VPS13A: variants seen among roughly 807,000 people sequenced by gnomAD.
VPS13A encodes the protein intermembrane lipid transfer protein VPS13A.
VPS13A carries 264 observed loss-of-function variants against 390.9 expected under a neutral mutation model. That is an observed-to-expected ratio of 0.68 (90% CI 0.61 to 0.75). VPS13A has a LOEUF of 0.75. Ranked by LOEUF, VPS13A falls within the 30% of genes least tolerant of loss-of-function variation. The probability of loss-of-function intolerance (pLI) is 0.00; values close to 1 mark genes in which losing one functional copy is unlikely to be tolerated. For synonymous variants in VPS13A, 1,231 were observed against 1,227.1 expected (o/e 1.00, Z -0.07); for missense variants, 3,409 against 3,733.9 (o/e 0.91, Z 2.27).
intron 1 of VPS13A, among the ~76,000 whole-genome samples, chr9:77,184,568 G>A (rs1444257700): frequency 1.3e-5 from 2 of 152,164 alleles, no homozygotes; most frequent in Non-Finnish European, 2.9e-5. Flanking sequence ...GCAGTGAGCC[G>A]AGATCGTGCT....
At chr9:77,204,383 C>T (rs895838268) in intron 3 of VPS13A, among the ~76,000 whole-genome samples, 4 of 151,596 alleles carry the variant, frequency 2.6e-5, no homozygotes, top group African/African-American at 4.8e-5. Flanking sequence ...AGAACCCTTA[C>T]GCTTAAAAAA....
At chr9:77,404,493 C>A (rs1282096021) in intron 69 of VPS13A, among the ~76,000 whole-genome samples, 2 of 152,182 alleles carry the variant, frequency 1.3e-5, no homozygotes, top group Non-Finnish European at 2.9e-5. Context: ...CTTCAGCGAT[C>A]ATTTTTGCTC....
chr9:77,217,740 A>G (rs901033297), intron 10 of VPS13A, among the ~76,000 whole-genome samples: 1 of 148,796 alleles, frequency 6.7e-6, no homozygotes, highest in South Asian at 2.1e-4. Flanking sequence ...TATCTTTGCT[A>G]TTGTGAATAG....
chr9:77,382,443 T>G (rs1833494106), intron 68 of VPS13A: 1 of 1,394,546 alleles, frequency 7.2e-7, no homozygotes, highest in Non-Finnish European at 9.3e-7. Context: ...TTAATGAATC[T>G]GGTTTTTTTA....
chr9:77,186,479 C>T (rs1354621294), intron 1 of VPS13A, among the ~76,000 whole-genome samples: 1 of 151,722 alleles, frequency 6.6e-6, no homozygotes, highest in Non-Finnish European at 1.5e-5. Context: ...GCTGTGTTGC[C>T]CAGCCTGGAG....
chr9:77,177,812 G>GGCC lies in VPS13A; in HGVS notation c.100+20_100+22dup, dbSNP rs772386985. ...CTCTGGGCATCTGGAAAGGTAAGGA[G>GGCC]GCCGCCGCCGCCGCTCCCCGGCCTC... On this transcript the variant is annotated intron_variant, in intron 1 of 71. Transcript: ENST00000360280. 49 of 1,604,890 alleles carry GGCC rather than the reference G, an allele frequency of 3.1e-5. 1 individual carries two copies. Among genetic ancestry groups the GGCC allele is most frequent in the South Asian group, 2.0e-4 (18 of 90,620 alleles).
intron 71 of VPS13A, among the ~76,000 whole-genome samples, chr9:77,410,911 T>G (rs1003831402): frequency 6.6e-6 from 1 of 152,126 alleles, no homozygotes; most frequent in Admixed American, 6.5e-5. Flanking sequence ...TATCCAGGAA[T>G]TGAACTCAGC....
chr9:77,262,504 T>C (rs1825814561), intron 23 of VPS13A, among the ~76,000 whole-genome samples: 1 of 152,132 alleles, frequency 6.6e-6, no homozygotes, highest in East Asian at 1.9e-4. Flanking sequence ...TACATAGGTA[T>C]ACACGTGCCA....
chr9:77,360,471 C>A, intron 58 of VPS13A, 65 bp from the exon 59 acceptor site: 1 of 1,220,164 alleles, frequency 8.2e-7, no homozygotes, highest in Non-Finnish European at 1.2e-6. Context: ...TTTTTCTCAT[C>A]TAATTTTTGT....
At chr9:77,344,032 G>A in intron 50 of VPS13A, 121 bp from the exon 51 acceptor site, 2 of 889,548 alleles carry the variant, frequency 2.2e-6, no homozygotes, top group Non-Finnish European at 3.4e-6. Flanking sequence ...CCAATAACTA[G>A]AGCAGTGTTA....
intron 17 of VPS13A, among the ~76,000 whole-genome samples, chr9:77,236,422 G>A (rs182034981): frequency 7.7e-4 from 117 of 152,260 alleles, no homozygotes; most frequent in Non-Finnish European, 1.1e-3. Context: ...GATGTTTTGA[G>A]TGGTATAATG....
chr9:77,341,460 G>A (rs550968577), intron 50 of VPS13A, among the ~76,000 whole-genome samples: 7 of 152,112 alleles, frequency 4.6e-5, no homozygotes, highest in South Asian at 2.1e-4. Context: ...CCTTCTTGAG[G>A]TGCTTTACCC....
intron 23 of VPS13A, among the ~76,000 whole-genome samples, chr9:77,263,732 A>G (rs952856529): frequency 5.9e-5 from 9 of 152,164 alleles, no homozygotes; most frequent in African/African-American, 4.8e-5. Context: ...TTTGCTGTGC[A>G]GAAGCTCATT....
Position 77,276,086 on chromosome 9 carries a change from C to T in VPS13A, c.2689C>T (p.Leu897Phe), listed in dbSNP as rs745873973. ...VPKVLIEFYH[L>F]VGDCELSVVE... ...CCAGGTTTTGATCGAGTTTTATCAC[C>T]TTGTTGGAGATTGTGAACTATCTGT... Residue 897 changes from leucine (L) to phenylalanine (F), a missense_variant, in exon 26 of 72, where the codon CTT (leucine) becomes TTT (phenylalanine). Transcript: ENST00000360280. The T allele has an allele frequency of 6.2e-7, 1 of 1,612,346 alleles. No individual in the cohort carries two copies. Among genetic ancestry groups the T allele is most frequent in the Non-Finnish European group, 8.5e-7 (1 of 1,179,702 alleles).
chr9:77,225,289 A>G (rs1163648065), intron 13 of VPS13A, among the ~76,000 whole-genome samples: 1 of 152,088 alleles, frequency 6.6e-6, no homozygotes, highest in Non-Finnish European at 1.5e-5. Flanking sequence ...ATTTTTTTTG[A>G]GACAGAGTCT....
At chr9:77,266,368 G>C (rs1013155907) in intron 23 of VPS13A, among the ~76,000 whole-genome samples, 1 of 152,176 alleles carries the variant, frequency 6.6e-6, no homozygotes, top group Non-Finnish European at 1.5e-5. Context: ...CTGTCTTCTT[G>C]ATCTGTCTAA....
At chr9:77,222,861 G>C (rs1823302001) in intron 13 of VPS13A, among the ~76,000 whole-genome samples, 2 of 152,090 alleles carry the variant, frequency 1.3e-5, no homozygotes, top group African/African-American at 4.8e-5. Context: ...ATAAACTATA[G>C]CTTAAATGGA....
At chr9:77,250,327 G>A (rs912539668) in intron 21 of VPS13A, 98 bp downstream of exon 21, 25 of 1,411,912 alleles carry the variant, frequency 1.8e-5, no homozygotes, top group African/African-American at 1.7e-4. Flanking sequence ...GTGTTAGAAC[G>A]TCTATATTTT....
At chr9:77,209,365 G>C in intron 5 of VPS13A, 58 bp from the exon 6 acceptor site, 2 of 1,202,730 alleles carry the variant, frequency 1.7e-6, no homozygotes, top group Non-Finnish European at 2.4e-6. Context: ...TCAGTATGTG[G>C]ATATTTATAG....
Sources: allele counts gnomAD v4.1 joint callset (sites outside exome capture counted in the v4.1 genomes callset), GRCh38; gene constraint gnomAD v4.1.1; transcripts MANE v1.5; gene names NCBI Gene and HGNC (gene_info 2026-07-23, HGNC 2026-07-21).